ATP9B: variants seen among roughly 807,000 people sequenced by gnomAD.
ATP9B encodes ATPase phospholipid transporting 9B.
In ATP9B, 110 loss-of-function variants were observed where a neutral mutation model predicts 146.1. The ratio of observed to expected loss-of-function variants is 0.75; its 90% CI spans 0.65 to 0.88. ATP9B has a LOEUF of 0.88. Ranked by LOEUF, ATP9B falls within the 40% of genes least tolerant of loss-of-function variation. The pLI is 0.00. For synonymous variants in ATP9B, 604 were observed against 569.7 expected, an observed-to-expected ratio of 1.06 and a Z score of -0.86; for missense variants, 1,499 against 1,496.4, an observed-to-expected ratio of 1.00 and a Z score of -0.03.
intron 26 of ATP9B, chr18:79,361,916 G>A (rs1444702285): frequency 8.9e-6 from 4 of 451,488 alleles, no homozygotes; most frequent in African/African-American, 8.5e-5. Flanking sequence ...CTCTCAACAA[G>A]TCTGTATTCT....
intron 4 of ATP9B, among the ~76,000 whole-genome samples, chr18:79,123,059 CA>C (rs2094216465): frequency 6.6e-6 from 1 of 152,036 alleles, no homozygotes; most frequent in Non-Finnish European, 1.5e-5. Context: ...CAGTTCTGTT[CA>C]ACATTGTATA....
chr18:79,202,290 T>G (rs890611963), intron 9 of ATP9B, among the ~76,000 whole-genome samples: 2 of 152,240 alleles, frequency 1.3e-5, no homozygotes, highest in Non-Finnish European at 1.5e-5. Context: ...AAAATCTGTA[T>G]GTATTGTCTT....
intron 1 of ATP9B, chr18:79,085,417 G>A (rs1288193650): frequency 6.6e-6 from 1 of 152,194 alleles, no homozygotes; most frequent in Non-Finnish European, 1.5e-5. Context: ...TTATCATCGA[G>A]GATGAAGATG....
At chr18:79,115,506 C>T (rs2094055596) in intron 4 of ATP9B, 2 of 135,728 alleles carry the variant, frequency 1.5e-5, no homozygotes, top group African/African-American at 3.1e-5. Context: ...CATCACACTA[C>T]CTGACTTCAA....
chr18:79,101,510 G>A (rs2075280820), intron 2 of ATP9B, among the ~76,000 whole-genome samples: 1 of 152,142 alleles, frequency 6.6e-6, no homozygotes, highest in Non-Finnish European at 1.5e-5. Flanking sequence ...GTGTGTGGAT[G>A]TGTGTGGACA....
chr18:79,107,508 T>C (rs1204319878), intron 2 of ATP9B, among the ~76,000 whole-genome samples: 1 of 152,104 alleles, frequency 6.6e-6, no homozygotes, highest in East Asian at 1.9e-4. Flanking sequence ...GACCGAGGCC[T>C]CGGGGGCTTC....
chr18:79,130,776 G>A (rs2094365265), intron 5 of ATP9B, among the ~76,000 whole-genome samples: 1 of 152,118 alleles, frequency 6.6e-6, no homozygotes, highest in Non-Finnish European at 1.5e-5. Context: ...GAGGTCTGAA[G>A]GCAGTGGGGT....
At chr18:79,087,609 A>G (rs1177752220) in intron 1 of ATP9B, 1 of 152,226 alleles carries the variant, frequency 6.6e-6, no homozygotes, top group Non-Finnish European at 1.5e-5. Flanking sequence ...TTCGTTTAAT[A>G]TCAGTTGTCT....
At chr18:79,206,861 A>G in intron 9 of ATP9B, 76 bp from the exon 10 acceptor site, 1 of 1,378,480 alleles carries the variant, frequency 7.3e-7, no homozygotes, top group Non-Finnish European at 1.0e-6. Context: ...ACCTGTTTCT[A>G]ATACTGAGGT....
chr18:79,177,609 A>G (rs758380636), intron 8 of ATP9B, among the ~76,000 whole-genome samples: 6 of 152,218 alleles, frequency 3.9e-5, no homozygotes, highest in Admixed American at 3.3e-4. Context: ...ATATTTGCCA[A>G]TTAAAAAGTA....
intron 26 of ATP9B, among the ~76,000 whole-genome samples, chr18:79,365,979 T>A (rs572349495): frequency 2.5e-4 from 38 of 152,380 alleles, no homozygotes; most frequent in African/African-American, 8.7e-4. Flanking sequence ...CCAGCCTGTG[T>A]GTCATGCCAC....
chr18:79,185,435 C>T (rs981264690), intron 8 of ATP9B, among the ~76,000 whole-genome samples: 1 of 152,126 alleles, frequency 6.6e-6, no homozygotes, highest in African/African-American at 2.4e-5. Context: ...TACAATGCAA[C>T]TTTAACATTT....
intron 10 of ATP9B, among the ~76,000 whole-genome samples, 175 bp downstream of exon 10, chr18:79,207,187 T>A (rs924537219): frequency 4.6e-5 from 7 of 152,302 alleles, no homozygotes; most frequent in Non-Finnish European, 8.8e-5. Flanking sequence ...TGGTGAGGCT[T>A]GTGCTGCTCC....
chr18:79,260,012 G>A (rs2096123972), intron 12 of ATP9B, among the ~76,000 whole-genome samples: 2 of 152,182 alleles, frequency 1.3e-5, no homozygotes, highest in African/African-American at 4.8e-5. Context: ...AATATTGGGA[G>A]ATTCACTGTT....
rs2096777409 is a variant in ATP9B, at chr18:79,329,260, T to C, written c.1893T>C (p.Phe631=). Reference sequence around the variant, plus strand: ...TCAGCTTCTGCATTCTGCAGCTGTTTCCCTTCACCTCCGAGAGCAAGCGGA... The same window carrying C: ...TCAGCTTCTGCATTCTGCAGCTGTTCCCCTTCACCTCCGAGAGCAAGCGGA... ...QVLSFCILQL[F]PFTSESKRMG... Residue 631 remains phenylalanine (F), a synonymous_variant, in exon 16 of 30, where the codon TTT becomes TTC. Coordinates refer to ENST00000426216, the MANE Select transcript of ATP9B (RefSeq NM_198531.5). The C allele has an allele frequency of 3.7e-6, 6 of 1,612,180 alleles. No homozygotes were observed. The highest frequency in any genetic ancestry group is 5.1e-6 in the Non-Finnish European group (6 of 1,179,450).
At chr18:79,211,460 C>T (rs982618966) in intron 10 of ATP9B, among the ~76,000 whole-genome samples, 2 of 152,186 alleles carry the variant, frequency 1.3e-5, no homozygotes, top group African/African-American at 4.8e-5. Flanking sequence ...ACATAGCAGC[C>T]TCTTTGAAGT....
intron 1 of ATP9B, among the ~76,000 whole-genome samples, chr18:79,079,570 C>A (rs1321712349): frequency 6.6e-6 from 1 of 152,128 alleles, no homozygotes; most frequent in African/African-American, 2.4e-5. Context: ...GGATAGATTG[C>A]AAAAATTTTC....
intron 25 of ATP9B, chr18:79,354,529 A>G (rs683816): frequency 1.5e-5 from 2 of 135,568 alleles, no homozygotes; most frequent in Non-Finnish European, 3.0e-5. Context: ...TGATTGCACC[A>G]TTGTACTCCA....
At chr18:79,169,823 A>G (rs985884778) in intron 7 of ATP9B, among the ~76,000 whole-genome samples, 8 of 152,196 alleles carry the variant, frequency 5.3e-5, no homozygotes, top group Non-Finnish European at 1.0e-4. Flanking sequence ...AATGACCACA[A>G]TCAGAAGTTT....
Sources: gnomAD v4.1 joint callset for allele counts (sites outside exome capture counted in the v4.1 genomes callset) on GRCh38, gnomAD v4.1.1 for gene constraint, MANE v1.5 for transcripts, NCBI Gene and HGNC (gene_info 2026-07-23, HGNC 2026-07-21) for gene names.